SH3PXD2B: variants seen among roughly 807,000 people sequenced by gnomAD.
SH3PXD2B encodes SH3 and PX domains 2B.
In SH3PXD2B, 37 loss-of-function variants were observed where a neutral mutation model predicts 73.1. That is an observed-to-expected ratio of 0.51 (90% confidence interval 0.39 to 0.67). The LOEUF is 0.67. Ranked by LOEUF, SH3PXD2B falls within the 30% of genes least tolerant of loss-of-function variation. SH3PXD2B has a pLI of 0.00. For synonymous variants in SH3PXD2B, 457 were observed against 480.5 expected, an observed-to-expected ratio of 0.95 and a Z score of 0.64; for missense variants, 1,053 against 1,197.8, an observed-to-expected ratio of 0.88 and a Z score of 1.78.
At chr5:172,346,391 A>T (rs2113275781) in intron 11 of SH3PXD2B, 130 bp from the exon 12 acceptor site, 2 of 1,409,648 alleles carry the variant, frequency 1.4e-6, no homozygotes, top group East Asian at 2.3e-5. Flanking sequence ...TTGGATTCTA[A>T]GGGACAACAC....
rs556141231 is a variant in SH3PXD2B at position 172,348,027 on chromosome 5, C to T, written c.1013-695G>A. Among the ~76,000 whole-genome samples the T allele has an allele frequency of 1.2e-4, 19 of 152,294 alleles. 1 individual carries two copies. The highest frequency in any genetic ancestry group is 3.1e-4 in the African/African-American group (13 of 41,574). ...GGCAGAATGTTGGCCAGGTTCAGCA[C>T]GGGTCCATACAGAAGGGTAGTTTGG... On this transcript the variant is annotated intron_variant, in intron 10 of 12. Coordinates refer to ENST00000311601, the MANE Select transcript of SH3PXD2B (RefSeq NM_001017995.3).
intron 6 of SH3PXD2B, among the ~76,000 whole-genome samples, chr5:172,373,512 T>C (rs1757752787): frequency 6.6e-6 from 1 of 152,234 alleles, no homozygotes. Context: ...AGTTTTTTGG[T>C]ATATTGGATG....
chr5:172,368,887 A>T (rs1163484906), intron 6 of SH3PXD2B, among the ~76,000 whole-genome samples: 1 of 134,212 alleles, frequency 7.5e-6, no homozygotes, highest in African/African-American at 3.0e-5. Context: ...ATAATATAAA[A>T]AAAAATATAT....
At chr5:172,368,951 A>T (rs1250901171) in intron 6 of SH3PXD2B, among the ~76,000 whole-genome samples, 4 of 147,774 alleles carry the variant, frequency 2.7e-5, no homozygotes, top group African/African-American at 7.5e-5. Flanking sequence ...CTGGAGTACA[A>T]TGGTGCAATC....
At chr5:172,341,526 T>C (rs1756849372) in intron 12 of SH3PXD2B, among the ~76,000 whole-genome samples, 1 of 152,214 alleles carries the variant, frequency 6.6e-6, no homozygotes, top group Non-Finnish European at 1.5e-5. Context: ...CCTTCCGCCC[T>C]GAGTAAAAGC....
At chr5:172,437,674 T>A (rs1759426177) in intron 1 of SH3PXD2B, among the ~76,000 whole-genome samples, 1 of 152,080 alleles carries the variant, frequency 6.6e-6, no homozygotes. Context: ...CTGCCAATAT[T>A]TTTTTCCCCC....
At chr5:172,387,619 T>C (rs1044695391) in intron 4 of SH3PXD2B, among the ~76,000 whole-genome samples, 6 of 152,290 alleles carry the variant, frequency 3.9e-5, no homozygotes, top group Non-Finnish European at 7.4e-5. Flanking sequence ...TGCATCTGCC[T>C]TGAGGAATCA....
In SH3PXD2B at chr5:172,422,438, T is replaced by C. The variant is rs1418355491; in HGVS notation, c.134A>G (p.Tyr45Cys). 6.2e-7 allele frequency: 1 copy of C among 1,611,968 alleles called. No individual in the cohort carries two copies. The highest frequency in any genetic ancestry group is 2.2e-5 in the East Asian group (1 of 44,874). The change falls in exon 2 of 13, where the codon TAC becomes TGC. Residue 45 changes from tyrosine to cysteine, a missense_variant. This residue lies in a region of SH3PXD2B where 466 missense variants were observed against 607.1 expected (regional missense o/e 0.77). Transcript: ENST00000311601. ...TACCTGGAGGTCAAAAAACTTGCTG[T>C]AGCGCCGGTAAATGGCCTCGGTGGA... ...SGSTEAIYRR[Y>C]SKFFDLQMQM...
intron 6 of SH3PXD2B, among the ~76,000 whole-genome samples, chr5:172,364,130 A>G (rs573636695): frequency 2.6e-5 from 4 of 152,236 alleles, no homozygotes; most frequent in East Asian, 3.9e-4. Flanking sequence ...CAAATAAATG[A>G]AAAGATAATG....
intron 6 of SH3PXD2B, among the ~76,000 whole-genome samples, chr5:172,364,485 C>T (rs955267106): frequency 2.0e-5 from 3 of 151,912 alleles, no homozygotes; most frequent in Non-Finnish European, 4.4e-5. Flanking sequence ...GCCAACATAG[C>T]GAAACCCCGT....
At chr5:172,414,083 A>C (rs1230894813) in intron 2 of SH3PXD2B, among the ~76,000 whole-genome samples, 1 of 152,206 alleles carries the variant, frequency 6.6e-6, no homozygotes, top group African/African-American at 2.4e-5. Context: ...GCAGTGGAGC[A>C]TGGGGGCTTA....
intron 3 of SH3PXD2B, among the ~76,000 whole-genome samples, chr5:172,405,229 C>T (rs1758524748): frequency 6.6e-6 from 1 of 152,220 alleles, no homozygotes; most frequent in Admixed American, 6.5e-5. Flanking sequence ...TGCCTGGTAG[C>T]CATGTGAGGT....
intron 7 of SH3PXD2B, among the ~76,000 whole-genome samples, chr5:172,362,295 C>G (rs1757419554): frequency 6.6e-6 from 1 of 152,172 alleles, no homozygotes; most frequent in South Asian, 2.1e-4. Flanking sequence ...CCAGACCCAG[C>G]CAGTGTTCAT....
chr5:172,400,189 T>A (rs1758395024), intron 3 of SH3PXD2B, among the ~76,000 whole-genome samples: 1 of 152,194 alleles, frequency 6.6e-6, no homozygotes. Flanking sequence ...AGATACCCCA[T>A]ACTTTCAATA....
At chr5:172,371,885 T>A (rs929220096) in intron 6 of SH3PXD2B, among the ~76,000 whole-genome samples, 6 of 152,248 alleles carry the variant, frequency 3.9e-5, no homozygotes, top group Admixed American at 3.9e-4. Flanking sequence ...CTCTGCTCTT[T>A]TCTGAGAAAC....
rs577147392 is a variant in SH3PXD2B at position 172,367,436 on chromosome 5, C to T, written c.428-4567G>A. 1.7e-4 allele frequency among the ~76,000 whole-genome samples: 25 copies of T among 150,140 alleles called. 1 individual carries two copies. The highest frequency in any genetic ancestry group is 1.3e-3 in the Admixed American group (19 of 15,064). ...AGATTTGGGGTTTCACCATGTTGCCCGGACTGGTCTTGAACTCCTGGGCTC... is the reference window on the plus strand; with the variant it reads ...AGATTTGGGGTTTCACCATGTTGCCTGGACTGGTCTTGAACTCCTGGGCTC... On this transcript the variant is annotated intron_variant, in intron 6 of 12. Coordinates refer to ENST00000311601, the MANE Select transcript of SH3PXD2B (RefSeq NM_001017995.3).
At chr5:172,449,359 A>G (rs1024848251) in intron 1 of SH3PXD2B, among the ~76,000 whole-genome samples, 1 of 152,168 alleles carries the variant, frequency 6.6e-6, no homozygotes, top group Non-Finnish European at 1.5e-5. Flanking sequence ...GGATCCCCCT[A>G]TGTTTCTCCC....
chr5:172,423,516 C>T (rs1208737284), intron 1 of SH3PXD2B, among the ~76,000 whole-genome samples: 1 of 145,782 alleles, frequency 6.9e-6, no homozygotes, highest in African/African-American at 2.6e-5. Flanking sequence ...TCCTTCCCTA[C>T]CTTCAGCTCA....
chr5:172,413,245 G>A (rs921499195), intron 2 of SH3PXD2B, among the ~76,000 whole-genome samples: 1 of 152,228 alleles, frequency 6.6e-6, no homozygotes, highest in Non-Finnish European at 1.5e-5. Context: ...ACACAACGGT[G>A]TCCCTGGGCC....
Sources: gnomAD v4.1 joint callset for allele counts (sites outside exome capture counted in the v4.1 genomes callset) on GRCh38, gnomAD v4.1.1 for gene constraint, gnomAD v4.1.1 regional missense constraint, MANE v1.5 for transcripts, NCBI Gene and HGNC (gene_info 2026-07-23, HGNC 2026-07-21) for gene names.